Variants in LGSN observed in about 807,000 individuals in gnomAD.
LGSN encodes lengsin, lens protein with glutamine synthetase domain.
In LGSN, 21 loss-of-function variants were observed where a neutral mutation model predicts 19.5. The observed-to-expected ratio is 1.07, with a 90% confidence interval of 0.76 to 1.55. The LOEUF (loss-of-function observed/expected upper bound fraction) is 1.55. LGSN is among the 40% of genes most tolerant of loss of function. The pLI, the probability that LGSN is intolerant of heterozygous loss-of-function variation, is 0.00. For synonymous variants in LGSN, 257 were observed against 215.6 expected, an observed-to-expected ratio of 1.19 and a Z score of -1.68; for missense variants, 673 against 608.5, an observed-to-expected ratio of 1.11 and a Z score of -1.12.
intron 2 of LGSN, among the ~76,000 whole-genome samples, chr6:63,287,102 G>A (rs921685001): frequency 2.6e-5 from 4 of 152,132 alleles, no homozygotes; most frequent in Admixed American, 6.5e-5. Context: ...CATAAAGATT[G>A]ACAGTTTAGA....
chr6:63,305,171 C>T (rs1227932428), intron 1 of LGSN, among the ~76,000 whole-genome samples: 1 of 151,968 alleles, frequency 6.6e-6, no homozygotes, highest in Non-Finnish European at 1.5e-5. Context: ...AACAGGAGAT[C>T]CCAGCATAAT....
At chr6:63,498,151 C>G in the LGSN span, among the ~76,000 whole-genome samples, 15 of 152,038 alleles carry the variant, frequency 9.9e-5, no homozygotes, top group African/African-American at 3.4e-4. Context: ...CTCCTGACCT[C>G]AGGTGATCCA....
At chr6:63,347,028 A>G in the LGSN span, among the ~76,000 whole-genome samples, 1 of 152,178 alleles carries the variant, frequency 6.6e-6, no homozygotes, top group African/African-American at 2.4e-5. Flanking sequence ...ATGCCCACCA[A>G]AAGTTGCCTC....
the LGSN span, among the ~76,000 whole-genome samples, chr6:63,365,058 T>C: frequency 2.6e-5 from 4 of 151,678 alleles, no homozygotes; most frequent in Non-Finnish European, 5.9e-5. Context: ...ATTCAAAAGC[T>C]AGCAGAAGAC....
chr6:63,510,517 T>G, the LGSN span, among the ~76,000 whole-genome samples: 78,377 of 147,876 alleles, frequency 0.53, 22,547 homozygotes, highest in African/African-American at 0.77. Flanking sequence ...ATTTAATATT[T>G]AGATTTTTTT....
At chr6:63,527,278 T>A in the LGSN span, among the ~76,000 whole-genome samples, 2 of 152,212 alleles carry the variant, frequency 1.3e-5, no homozygotes, top group African/African-American at 4.8e-5. Flanking sequence ...CTTGTGTCTA[T>A]GTTCAATCTT....
At chr6:63,396,299 C>T in the LGSN span, 3 of 204,528 alleles carry the variant, frequency 1.5e-5, no homozygotes, top group Non-Finnish European at 3.1e-5. Context: ...TGTCTAGGTC[C>T]CCTCTGTGAC....
chr6:63,478,405 G>C, the LGSN span, among the ~76,000 whole-genome samples: 2 of 152,084 alleles, frequency 1.3e-5, no homozygotes, highest in Non-Finnish European at 2.9e-5. Context: ...CTTTTTGGGG[G>C]TGATGAAAAT....
the LGSN span, among the ~76,000 whole-genome samples, chr6:63,487,855 C>T: frequency 6.6e-6 from 1 of 152,012 alleles, no homozygotes; most frequent in Non-Finnish European, 1.5e-5. Context: ...GTAGTGGGCA[C>T]CTGTAATTCC....
chr6:63,491,678 T>C, the LGSN span, among the ~76,000 whole-genome samples: 2 of 152,208 alleles, frequency 1.3e-5, no homozygotes, highest in Non-Finnish European at 2.9e-5. Flanking sequence ...GAGTTTCTGA[T>C]AAATTGCCTA....
the LGSN span, among the ~76,000 whole-genome samples, chr6:63,457,882 TAAA>T: frequency 3.3e-5 from 5 of 151,970 alleles, no homozygotes; most frequent in Non-Finnish European, 7.4e-5. Context: ...CCATTTCAAA[TAAA>T]TAAATTAATT....
chr6:63,294,864 A>T (rs1002036991), intron 2 of LGSN, 49 bp downstream of exon 2: 2 of 1,575,892 alleles, frequency 1.3e-6, no homozygotes, highest in African/African-American at 2.7e-5. Context: ...GACCAAATGG[A>T]GATTGCCTCT....
the LGSN span, among the ~76,000 whole-genome samples, chr6:63,380,549 A>G: frequency 1.6e-4 from 24 of 152,328 alleles, no homozygotes; most frequent in Admixed American, 1.6e-3. Flanking sequence ...TTGACTTGAT[A>G]ACATTCACTT....
chr6:63,501,940 C>A, the LGSN span, among the ~76,000 whole-genome samples: 1 of 152,172 alleles, frequency 6.6e-6, no homozygotes, highest in Non-Finnish European at 1.5e-5. Flanking sequence ...GGACTATAGG[C>A]ACACACCACC....
At chr6:63,531,569 A>C in the LGSN span, among the ~76,000 whole-genome samples, 1 of 136,856 alleles carries the variant, frequency 7.3e-6, no homozygotes, top group African/African-American at 2.8e-5. Flanking sequence ...AGCTCACTGC[A>C]GCCTCAACCT....
chr6:63,322,295 A>C (rs1769102610), upstream of LGSN, among the ~76,000 whole-genome samples: 1 of 152,214 alleles, frequency 6.6e-6, no homozygotes, highest in Non-Finnish European at 1.5e-5. Context: ...TTGTCTTCCC[A>C]GCACTAACTG....
chr6:63,497,968 G>T, the LGSN span, among the ~76,000 whole-genome samples: 1 of 137,236 alleles, frequency 7.3e-6, no homozygotes, highest in Non-Finnish European at 1.5e-5. Context: ...GCCAAGGCTG[G>T]AGTGCAATGA....
the LGSN span, among the ~76,000 whole-genome samples, chr6:63,345,595 A>T: frequency 1.3e-5 from 2 of 152,196 alleles, no homozygotes; most frequent in Non-Finnish European, 2.9e-5. Context: ...ATGAGCCAAG[A>T]TAACGATAGG....
the LGSN span, among the ~76,000 whole-genome samples, chr6:63,486,820 T>TTTATTA: frequency 7.8e-3 from 1,144 of 146,186 alleles, 3 homozygotes; most frequent in South Asian, 0.011. Flanking sequence ...GTATGTTTAT[T>TTTATTA]TTATTATTAT....
Sources: allele counts gnomAD v4.1 joint callset (sites outside exome capture counted in the v4.1 genomes callset), GRCh38; gene constraint gnomAD v4.1.1; transcripts MANE v1.5; gene names NCBI Gene and HGNC (gene_info 2026-07-23, HGNC 2026-07-21).